The following IPO5 variants were observed in gnomAD, a reference collection of about 807,000 sequenced individuals.
IPO5 encodes the protein importin-5.
IPO5 carries 18 observed loss-of-function variants against 143.3 expected under a neutral mutation model. The ratio of observed to expected loss-of-function variants is 0.13; its 90% CI spans 0.09 to 0.19. The LOEUF is 0.19. IPO5 is among the 10% of genes least tolerant of loss of function. IPO5 has a pLI of 1.00. For synonymous variants in IPO5, 477 were observed against 465.7 expected, an observed-to-expected ratio of 1.02 and a Z score of -0.31; for missense variants, 1,013 against 1,336.9, an observed-to-expected ratio of 0.76 and a Z score of 3.78.
intron 9 of IPO5, among the ~76,000 whole-genome samples, chr13:97,992,677 G>A (rs1566510816): frequency 6.6e-6 from 1 of 152,216 alleles, no homozygotes; most frequent in African/African-American, 2.4e-5. Flanking sequence ...TGACTTAGAT[G>A]TAAATCTGTT....
intron 2 of IPO5, among the ~76,000 whole-genome samples, chr13:97,955,165 A>C (rs2139452793): frequency 6.6e-6 from 1 of 152,012 alleles, no homozygotes; most frequent in African/African-American, 2.4e-5. Flanking sequence ...GGAGGTCAAG[A>C]CTGCAGTGAG....
At chr13:98,019,912 A>C in intron 27 of IPO5, 103 bp downstream of exon 27, 1 of 727,230 alleles carries the variant, frequency 1.4e-6, no homozygotes. Flanking sequence ...TGATCTCTGC[A>C]CAGTCCTCAG....
At chr13:97,977,119 C>T (rs1025116163) in intron 4 of IPO5, 7 of 157,862 alleles carry the variant, frequency 4.4e-5, no homozygotes, top group Non-Finnish European at 8.4e-5. Flanking sequence ...TCCCAGCTCC[C>T]CGCTTGCCCC....
chr13:97,992,443 G>A (rs1444804358), intron 9 of IPO5, among the ~76,000 whole-genome samples: 1 of 152,138 alleles, frequency 6.6e-6, no homozygotes. Flanking sequence ...CAGGTGTGGT[G>A]GCCACACATG....
chr13:97,966,089 C>T (rs1026553540), intron 2 of IPO5, among the ~76,000 whole-genome samples: 3 of 145,322 alleles, frequency 2.1e-5, no homozygotes, highest in East Asian at 2.0e-4. Flanking sequence ...TGCAGTAAGC[C>T]GAGATCTGCA....
rs1887697731 is a variant in IPO5, at chr13:97,990,242, T to C, written c.564+20T>C. On this transcript the variant is annotated intron_variant, in intron 8 of 28. Transcript: ENST00000651721. The stretch of plus-strand genomic sequence containing the variant: ...CCGTCGGTAAATAATTTCAATCCTA[T>C]TAATATAACCATCTATTTTAATCTA... 1.3e-6 allele frequency: 2 copies of C among 1,483,474 alleles called. No individual in the cohort carries two copies. Among genetic ancestry groups the C allele is most frequent in the Non-Finnish European group, 9.4e-7 (1 of 1,064,218 alleles). The allele number at this position is 1,483,474 out of a possible 1,614,324, so 91.9% of individuals were successfully genotyped here.
At chr13:97,996,960 C>G (rs1426592871) in intron 11 of IPO5, among the ~76,000 whole-genome samples, 1 of 151,904 alleles carries the variant, frequency 6.6e-6, no homozygotes. Context: ...TCATGCTTGT[C>G]AAAGAAAAGA....
At chr13:97,978,235 T>G (rs1886548639) in intron 4 of IPO5, among the ~76,000 whole-genome samples, 1 of 152,250 alleles carries the variant, frequency 6.6e-6, no homozygotes, top group Non-Finnish European at 1.5e-5. Flanking sequence ...AACATACACA[T>G]TCATTTTTTA....
intron 2 of IPO5, among the ~76,000 whole-genome samples, chr13:97,956,835 C>G (rs973163690): frequency 6.6e-6 from 1 of 152,070 alleles, no homozygotes; most frequent in African/African-American, 2.4e-5. Flanking sequence ...ATAATGGGAT[C>G]CCTTTCTGGT....
chr13:98,014,838 C>CTTT (rs780865647), intron 22 of IPO5, among the ~76,000 whole-genome samples: 1 of 122,182 alleles, frequency 8.2e-6, no homozygotes, highest in Non-Finnish European at 1.6e-5. Flanking sequence ...CAATTCTTCT[C>CTTT]TTTTTTTTTT....
At chr13:98,010,676 C>T (rs557218747) in intron 20 of IPO5, among the ~76,000 whole-genome samples, 281 of 150,910 alleles carry the variant, frequency 1.9e-3, no homozygotes, top group African/African-American at 6.6e-3. Context: ...TCAAAATGTT[C>T]GGTTATTATC....
intron 11 of IPO5, among the ~76,000 whole-genome samples, chr13:97,995,066 C>T (rs375596225): frequency 2.9e-4 from 43 of 149,518 alleles, no homozygotes; most frequent in South Asian, 1.1e-3. Flanking sequence ...TCAAGGCTGC[C>T]GTGAGCCAAG....
chr13:98,018,470 G>A lies in IPO5; in HGVS notation c.2617-15G>A, dbSNP rs765810098. The A allele has an allele frequency of 1.3e-6, 2 of 1,576,256 alleles. No homozygotes were observed. Among genetic ancestry groups the A allele is most frequent in the East Asian group, 2.2e-5 (1 of 44,658 alleles). On this transcript the variant is annotated splice_polypyrimidine_tract_variant and intron_variant, in intron 25 of 28. Coordinates refer to ENST00000651721, the MANE Select transcript of IPO5 (RefSeq NM_002271.6). ...ACACCAGTATTTGAAGCTTAAAAGAGAATTTCTTTTGTAGTGTCCACATAG... is the reference window on the plus strand; with the variant it reads ...ACACCAGTATTTGAAGCTTAAAAGAAAATTTCTTTTGTAGTGTCCACATAG...
chr13:97,967,337 A>G (rs981734190), intron 2 of IPO5, among the ~76,000 whole-genome samples: 1 of 152,120 alleles, frequency 6.6e-6, no homozygotes, highest in East Asian at 1.9e-4. Flanking sequence ...CTTCTCAAAG[A>G]AACAATTTTG....
At chr13:98,015,930 A>T (rs1463461424) in intron 24 of IPO5, 149 bp downstream of exon 24, 1 of 583,098 alleles carries the variant, frequency 1.7e-6, no homozygotes, top group East Asian at 2.8e-5. Flanking sequence ...CTCTTAATTT[A>T]TGAATAAGTA....
intron 24 of IPO5, 53 bp downstream of exon 24, chr13:98,015,834 T>A (rs78600677): frequency 1.0e-4 from 118 of 1,140,052 alleles, no homozygotes; most frequent in Non-Finnish European, 1.4e-4. Context: ...TCTGAAAGAC[T>A]TGTAAATGCC....
intron 2 of IPO5, among the ~76,000 whole-genome samples, chr13:97,957,703 A>T (rs1823379949): frequency 6.6e-6 from 1 of 152,198 alleles, no homozygotes; most frequent in African/African-American, 2.4e-5. Flanking sequence ...CAATTCTTTG[A>T]TCAAATAATT....
At chr13:97,963,416 CT>C (rs1566442241) in intron 2 of IPO5, 1 of 149,234 alleles carries the variant, frequency 6.7e-6, no homozygotes, top group East Asian at 2.0e-4. Flanking sequence ...TGTCACCAGG[CT>C]AGAGTGCAGT....
chr13:98,004,162 AC>A (rs1889024013), intron 16 of IPO5, among the ~76,000 whole-genome samples: 1 of 152,188 alleles, frequency 6.6e-6, no homozygotes, highest in African/African-American at 2.4e-5. Context: ...TAAAAGATAA[AC>A]CTGCTCTCAA....
Sources: gnomAD v4.1 joint callset for allele counts (sites outside exome capture counted in the v4.1 genomes callset) on GRCh38, gnomAD v4.1.1 for gene constraint, MANE v1.5 for transcripts, NCBI Gene and HGNC (gene_info 2026-07-23, HGNC 2026-07-21) for gene names.